Variants in PLCB4 observed in about 807,000 individuals in gnomAD.
The protein encoded by PLCB4 is 1-phosphatidylinositol 4,5-bisphosphate phosphodiesterase beta-4.
PLCB4 carries 77 observed loss-of-function variants against 178.8 expected under a neutral mutation model. The ratio of observed to expected loss-of-function variants is 0.43; its 90% CI spans 0.36 to 0.52. The LOEUF is 0.52. PLCB4 is among the 20% of genes least tolerant of loss of function. The probability of loss-of-function intolerance (pLI) is 0.00; values close to 1 mark genes in which losing one functional copy is unlikely to be tolerated. For synonymous variants in PLCB4, 496 were observed against 490.8 expected, an observed-to-expected ratio of 1.01 and a Z score of -0.14; for missense variants, 1,024 against 1,453.4, an observed-to-expected ratio of 0.70 and a Z score of 4.80.
At chr20:9,104,411 G>A (rs1309220805) in intron 2 of PLCB4, among the ~76,000 whole-genome samples, 1 of 152,128 alleles carries the variant, frequency 6.6e-6, no homozygotes, top group Non-Finnish European at 1.5e-5. Context: ...CAAGGAGTGG[G>A]AATACAGACT....
chr20:9,075,423 T>A (rs904496790), intron 1 of PLCB4, among the ~76,000 whole-genome samples: 9 of 152,258 alleles, frequency 5.9e-5, no homozygotes, highest in African/African-American at 2.2e-4. Context: ...TACTTCTGTT[T>A]CTGCAGTTGC....
At chr20:9,121,478 G>A (rs531154063) in intron 2 of PLCB4, among the ~76,000 whole-genome samples, 3 of 152,082 alleles carry the variant, frequency 2.0e-5, no homozygotes, top group Non-Finnish European at 2.9e-5. Context: ...TTAGTCAGTC[G>A]TAAATATTTG....
intron 2 of PLCB4, among the ~76,000 whole-genome samples, chr20:9,119,174 C>A (rs1246101284): frequency 1.3e-5 from 2 of 151,998 alleles, no homozygotes; most frequent in Non-Finnish European, 2.9e-5. Context: ...AAGTATTTGC[C>A]CTCACACTAT....
chr20:9,262,077 G>A (rs575683056), intron 3 of PLCB4, among the ~76,000 whole-genome samples: 1 of 152,246 alleles, frequency 6.6e-6, no homozygotes, highest in Admixed American at 6.5e-5. Context: ...TGATCATTCT[G>A]GAAAGTGGGA....
At chr20:9,185,439 T>C (rs1232210034) in intron 2 of PLCB4, among the ~76,000 whole-genome samples, 2 of 152,172 alleles carry the variant, frequency 1.3e-5, no homozygotes, top group Non-Finnish European at 2.9e-5. Flanking sequence ...ACCTTCAAAA[T>C]GTACCCACCT....
chr20:9,211,773 A>G (rs532828299), intron 2 of PLCB4, among the ~76,000 whole-genome samples: 1 of 152,260 alleles, frequency 6.6e-6, no homozygotes, highest in Admixed American at 6.5e-5. Flanking sequence ...TCCATTTTCT[A>G]TAAATAGAAG....
At chr20:9,280,949 C>CAAA (rs76377634) in intron 3 of PLCB4, among the ~76,000 whole-genome samples, 15 of 83,018 alleles carry the variant, frequency 1.8e-4, no homozygotes, top group Non-Finnish European at 4.0e-4. Flanking sequence ...ACATCTGCTA[C>CAAA]AAAAAAAAAA....
At chr20:9,369,615 T>G (rs1439974594) in intron 9 of PLCB4, among the ~76,000 whole-genome samples, 4 of 152,204 alleles carry the variant, frequency 2.6e-5, no homozygotes, top group African/African-American at 7.2e-5. Context: ...TCTCAAGAAC[T>G]CTTAAAAATG....
intron 12 of PLCB4, among the ~76,000 whole-genome samples, chr20:9,379,802 A>G (rs2036983705): frequency 6.6e-6 from 1 of 152,146 alleles, no homozygotes; most frequent in Non-Finnish European, 1.5e-5. Flanking sequence ...TGTATCCTTC[A>G]ACTTTTGAAG....
intron 2 of PLCB4, among the ~76,000 whole-genome samples, chr20:9,133,779 G>A (rs2092326821): frequency 6.6e-6 from 1 of 152,210 alleles, no homozygotes. Context: ...TGGAGGCACT[G>A]TGGACAGCAG....
At chr20:9,334,624 A>T (rs996376674) in intron 4 of PLCB4, among the ~76,000 whole-genome samples, 1 of 152,168 alleles carries the variant, frequency 6.6e-6, no homozygotes, top group Non-Finnish European at 1.5e-5. Flanking sequence ...ACTAAATGAG[A>T]CATGGAAGTT....
chr20:9,093,701 A>G (rs1300391277), intron 1 of PLCB4, among the ~76,000 whole-genome samples: 1 of 151,224 alleles, frequency 6.6e-6, no homozygotes, highest in Non-Finnish European at 1.5e-5. Flanking sequence ...AGCTTTACAC[A>G]TGGTCTTTCC....
At chr20:9,252,772 T>A (rs2094194724) in intron 3 of PLCB4, among the ~76,000 whole-genome samples, 1 of 152,118 alleles carries the variant, frequency 6.6e-6, no homozygotes, top group African/African-American at 2.4e-5. Flanking sequence ...AGAGGAAGGG[T>A]GTGAATTTGC....
chr20:9,323,630 C>T (rs2029869926), intron 4 of PLCB4, among the ~76,000 whole-genome samples: 2 of 152,146 alleles, frequency 1.3e-5, no homozygotes, highest in East Asian at 1.9e-4. Context: ...AAGGTTAAGC[C>T]AGAGACACTA....
intron 6 of PLCB4, 150 bp downstream of exon 6, chr20:9,338,217 G>A: frequency 1.6e-6 from 1 of 632,632 alleles, no homozygotes; most frequent in Non-Finnish European, 2.9e-6. Flanking sequence ...GTTGCTGGTT[G>A]TGGTAATGTC....
chr20:9,431,928 A>C (rs913793734), intron 28 of PLCB4, among the ~76,000 whole-genome samples: 1 of 152,214 alleles, frequency 6.6e-6, no homozygotes. Context: ...ATAAAGTGCT[A>C]TATTATTTAA....
At chr20:9,219,055 A>G (rs1024536109) in intron 3 of PLCB4, among the ~76,000 whole-genome samples, 7 of 152,176 alleles carry the variant, frequency 4.6e-5, no homozygotes, top group Non-Finnish European at 1.0e-4. Flanking sequence ...ATTGAATATA[A>G]ACACTTGATT....
chr20:9,230,804 G>C (rs573230986), intron 3 of PLCB4, among the ~76,000 whole-genome samples: 1 of 152,162 alleles, frequency 6.6e-6, no homozygotes, highest in African/African-American at 2.4e-5. Context: ...CAGCAGCAAA[G>C]TACCCAGAGT....
intron 1 of PLCB4, among the ~76,000 whole-genome samples, chr20:9,072,674 G>A (rs1346517097): frequency 1.3e-5 from 2 of 152,106 alleles, no homozygotes; most frequent in African/African-American, 4.8e-5. Flanking sequence ...CTGGGTGGAA[G>A]GGTAGAAAGA....
Sources: gnomAD v4.1 joint callset for allele counts (sites outside exome capture counted in the v4.1 genomes callset) on GRCh38, gnomAD v4.1.1 for gene constraint, MANE v1.5 for transcripts, NCBI Gene and HGNC (gene_info 2026-07-23, HGNC 2026-07-21) for gene names.